The following TPD52 variants were observed in gnomAD, a reference collection of about 807,000 sequenced individuals.
TPD52 encodes prostate and colon associated protein.
A neutral mutation model predicts 31.3 loss-of-function variants in TPD52; 17 were observed. That is an observed-to-expected ratio of 0.54 (90% CI 0.37 to 0.82). The LOEUF (loss-of-function observed/expected upper bound fraction) is 0.82. Among genes scored for constraint, TPD52 ranks in the 40% least tolerant of loss-of-function variants. The pLI is 0.00. For missense variants in TPD52, 212 were observed against 240.1 expected, an observed-to-expected ratio of 0.88 and a Z score of 0.77; for synonymous variants, 83 against 89.6, an observed-to-expected ratio of 0.93 and a Z score of 0.42.
chr8:80,101,803 C>T (rs1000501567), intron 1 of TPD52, among the ~76,000 whole-genome samples: 4 of 152,174 alleles, frequency 2.6e-5, no homozygotes, highest in Non-Finnish European at 4.4e-5. Flanking sequence ...GGATCCCCCC[C>T]ATGACCCAAA....
chr8:80,043,099 A>G (rs1233041423), intron 6 of TPD52, among the ~76,000 whole-genome samples: 1 of 152,174 alleles, frequency 6.6e-6, no homozygotes, highest in Non-Finnish European at 1.5e-5. Context: ...GAATTTCTAC[A>G]TGAACACACA....
At chr8:80,158,721 C>G (rs1418647126) in intron 1 of TPD52, 1 of 151,176 alleles carries the variant, frequency 6.6e-6, no homozygotes, top group Non-Finnish European at 1.5e-5. Flanking sequence ...GCGGGCTGAT[C>G]ACGAGGTCAG....
intron 1 of TPD52, among the ~76,000 whole-genome samples, chr8:80,144,590 T>C (rs1476063360): frequency 6.6e-6 from 1 of 152,160 alleles, no homozygotes; most frequent in East Asian, 1.9e-4. Flanking sequence ...TAAATATTTA[T>C]TAGGTTTCTG....
intron 1 of TPD52, among the ~76,000 whole-genome samples, chr8:80,084,868 T>C (rs1410617487): frequency 6.6e-6 from 1 of 152,144 alleles, no homozygotes; most frequent in African/African-American, 2.4e-5. Flanking sequence ...ATGAATAGTA[T>C]ACATGCAAGG....
intron 1 of TPD52, among the ~76,000 whole-genome samples, chr8:80,125,845 T>C (rs1005103341): frequency 5.3e-5 from 8 of 152,190 alleles, no homozygotes; most frequent in Non-Finnish European, 1.0e-4. Flanking sequence ...GCAACAAAGT[T>C]GTACATAAAA....
chr8:80,079,177 G>A (rs375895966), intron 1 of TPD52, among the ~76,000 whole-genome samples: 2 of 152,178 alleles, frequency 1.3e-5, no homozygotes, highest in African/African-American at 2.4e-5. Flanking sequence ...CAAAGGGGGA[G>A]CCCAGGCCCC....
At chr8:80,121,319 G>C (rs933743652) in intron 1 of TPD52, among the ~76,000 whole-genome samples, 2 of 152,068 alleles carry the variant, frequency 1.3e-5, no homozygotes, top group Non-Finnish European at 2.9e-5. Context: ...GGCAAGATGT[G>C]ACAGGAGCCC....
At chr8:80,062,005 A>G (rs1197059238) in intron 2 of TPD52, among the ~76,000 whole-genome samples, 1 of 152,230 alleles carries the variant, frequency 6.6e-6, no homozygotes, top group East Asian at 1.9e-4. Flanking sequence ...CACCAAGTCA[A>G]TCTATAAACT....
downstream of TPD52, among the ~76,000 whole-genome samples, chr8:80,034,203 C>G (rs1809769205): frequency 6.6e-6 from 1 of 152,186 alleles, no homozygotes; most frequent in South Asian, 2.1e-4. Flanking sequence ...AGCTCAGCCA[C>G]AACTTTGCTC....
chr8:80,127,175 T>C lies in TPD52; in HGVS notation c.19+44250A>G, dbSNP rs369757513. On this transcript the variant is annotated intron_variant, in intron 1 of 7. Coordinates refer to ENST00000518937, the MANE Select transcript of TPD52 (RefSeq NM_001025253.3). ...ATTTTGTACAAAAGAAATTCAGGTT[T>C]AGAAACCACTGTCAAACAATCAATT... is the stretch of plus-strand genomic sequence containing the variant. Among the ~76,000 whole-genome samples the C allele has an allele frequency of 1.1e-4, 16 of 152,224 alleles. No homozygotes were observed. In the East Asian group the frequency reaches 2.1e-3, roughly 20 times the overall value.
intron 2 of TPD52, among the ~76,000 whole-genome samples, chr8:80,061,611 G>T (rs1453270904): frequency 2.0e-5 from 3 of 152,116 alleles, no homozygotes; most frequent in Admixed American, 6.6e-5. Context: ...CTTGAGCTGG[G>T]AGGTCAAGGC....
chr8:80,039,222 T>G (rs985677310), intron 7 of TPD52, among the ~76,000 whole-genome samples: 1 of 152,270 alleles, frequency 6.6e-6, no homozygotes, highest in Non-Finnish European at 1.5e-5. Flanking sequence ...TTAAATTTAT[T>G]AAAACACATT....
chr8:80,160,521 A>G (rs1271669442), intron 1 of TPD52, among the ~76,000 whole-genome samples: 3 of 152,164 alleles, frequency 2.0e-5, no homozygotes, highest in African/African-American at 7.2e-5. Context: ...GAATATTCCA[A>G]CTTCCATACT....
chr8:80,101,510 A>G (rs1292520501), intron 1 of TPD52, among the ~76,000 whole-genome samples: 1 of 150,968 alleles, frequency 6.6e-6, no homozygotes, highest in Non-Finnish European at 1.5e-5. Context: ...TGTTTGCATT[A>G]TTAAAAAGCA....
intron 1 of TPD52, among the ~76,000 whole-genome samples, chr8:80,124,172 GTTT>G (rs11321587): frequency 6.8e-6 from 1 of 146,372 alleles, no homozygotes; most frequent in African/African-American, 2.5e-5. Context: ...CTCTCTTTTT[GTTT>G]TTTTTTTTTA....
intron 1 of TPD52, among the ~76,000 whole-genome samples, chr8:80,127,120 AAAG>A (rs1808674310): frequency 6.6e-6 from 1 of 152,116 alleles, no homozygotes; most frequent in African/African-American, 2.4e-5. Flanking sequence ...CAAAAAAAAA[AAAG>A]AAGAGAAAGA....
intron 1 of TPD52, among the ~76,000 whole-genome samples, chr8:80,155,945 A>AG (rs1810941174): frequency 6.6e-6 from 1 of 152,082 alleles, no homozygotes; most frequent in African/African-American, 2.4e-5. Context: ...GAAGGGATGG[A>AG]GATGATGCAT....
At chr8:80,125,947 GAGCACTCTCA>G (rs1808569965) in intron 1 of TPD52, among the ~76,000 whole-genome samples, 1 of 152,174 alleles carries the variant, frequency 6.6e-6, no homozygotes. Context: ...AGGAGGACGT[GAGCACTCTCA>G]ACAGGCTGTC....
intron 1 of TPD52, among the ~76,000 whole-genome samples, chr8:80,155,612 G>A (rs1489087850): frequency 3.3e-5 from 5 of 152,162 alleles, no homozygotes; most frequent in Admixed American, 1.3e-4. Flanking sequence ...GGCCAGGCGC[G>A]GTGGCTCACG....
Sources: gnomAD v4.1 joint callset for allele counts (sites outside exome capture counted in the v4.1 genomes callset) on GRCh38, gnomAD v4.1.1 for gene constraint, MANE v1.5 for transcripts, NCBI Gene and HGNC (gene_info 2026-07-23, HGNC 2026-07-21) for gene names.